Variants in PARD3B observed in about 807,000 individuals in gnomAD.
PARD3B encodes the protein partitioning defective 3 homolog B.
PARD3B carries 103 observed loss-of-function variants against 130.2 expected under a neutral mutation model. The observed-to-expected ratio is 0.79, with a 90% confidence interval of 0.67 to 0.93. The LOEUF (loss-of-function observed/expected upper bound fraction) is 0.93. Among genes scored for constraint, PARD3B ranks in the 40% least tolerant of loss-of-function variants. The pLI is 0.00. For synonymous variants in PARD3B, 583 were observed against 553.2 expected, an observed-to-expected ratio of 1.05 and a Z score of -0.76; for missense variants, 1,609 against 1,499.2, an observed-to-expected ratio of 1.07 and a Z score of -1.21.
intron 2 of PARD3B, among the ~76,000 whole-genome samples, chr2:204,754,032 G>T (rs2040568867): frequency 6.6e-6 from 1 of 152,196 alleles, no homozygotes; most frequent in Non-Finnish European, 1.5e-5. Context: ...GCTGATGCAA[G>T]TGTCTGTAAA....
rs911791738 is a variant in PARD3B, at chr2:205,446,729, T to C, written c.3044+6057T>C. ...AGGACAGAGACACGTGACTGGATTTTCACAATGCTGGTTCTTCCAGGATTT... is the reference window on the plus strand; with the variant it reads ...AGGACAGAGACACGTGACTGGATTTCCACAATGCTGGTTCTTCCAGGATTT... On this transcript the variant is annotated intron_variant, in intron 20 of 22. Transcript: ENST00000406610. The surrounding 1 kb of genome is among the most constrained non-coding windows in gnomAD (Gnocchi z 4.4). Among the ~76,000 whole-genome samples, 1 of 152,216 alleles carries C rather than the reference T, an allele frequency of 6.6e-6. No individual in the cohort carries two copies. The highest frequency in any genetic ancestry group is 1.5e-5 in the Non-Finnish European group (1 of 68,034).
intron 20 of PARD3B, among the ~76,000 whole-genome samples, chr2:205,487,060 C>T (rs2106307065): frequency 6.6e-6 from 1 of 152,220 alleles, no homozygotes; most frequent in East Asian, 1.9e-4. Context: ...GATTTAACAC[C>T]ATATGTGATC....
At chr2:204,861,706 C>T (rs1241229638) in intron 2 of PARD3B, among the ~76,000 whole-genome samples, 2 of 151,616 alleles carry the variant, frequency 1.3e-5, no homozygotes, top group Non-Finnish European at 2.9e-5. Flanking sequence ...CTTTATGATC[C>T]AGTTTTTCTC....
rs1213869303 is a variant in PARD3B, at chr2:205,265,472, T to G, written c.2185+19650T>G. Among the ~76,000 whole-genome samples, 1 of 152,002 alleles carries G rather than the reference T, an allele frequency of 6.6e-6. No individual in the cohort carries two copies. The highest frequency in any genetic ancestry group is 6.6e-5 in the Admixed American group (1 of 15,240). On this transcript the variant is annotated intron_variant, in intron 16 of 22. Transcript: ENST00000406610. This position sits in a 1 kb window ranked among gnomAD's most constrained non-coding sequence, Gnocchi z 4.3. ...TGGACATTGCTTTTCTGCCTACAAA[T>G]GGGACGATTCCTGATATGTGTAGAT...
intron 16 of PARD3B, among the ~76,000 whole-genome samples, chr2:205,250,749 T>G (rs2039808275): frequency 6.6e-6 from 1 of 151,858 alleles, no homozygotes; most frequent in Non-Finnish European, 1.5e-5. Context: ...GACAACATAG[T>G]GAAACCCCGT....
At chr2:205,385,734 A>G (rs537348210) in intron 18 of PARD3B, among the ~76,000 whole-genome samples, 3 of 152,240 alleles carry the variant, frequency 2.0e-5, no homozygotes, top group South Asian at 4.1e-4. Context: ...GGCCTAGGCT[A>G]GTAGCTACCA....
intron 1 of PARD3B, among the ~76,000 whole-genome samples, chr2:204,612,868 A>T (rs1054509199): frequency 6.6e-6 from 1 of 150,788 alleles, no homozygotes; most frequent in African/African-American, 2.4e-5. Context: ...CAGGTGATCT[A>T]TGATAAATAA....
chr2:205,525,257 T>C lies in PARD3B; in HGVS notation c.3180+25226T>C, dbSNP rs1033059068. ...AGACATGGTATGTAAAACTTCCAAA[T>C]TGGTTTCCTTACCACTCCAAGAGTG... On this transcript the variant is annotated intron_variant, in intron 21 of 22. Transcript: ENST00000406610. This position sits in a 1 kb window ranked among gnomAD's most constrained non-coding sequence, Gnocchi z 4.2. 4.6e-5 allele frequency among the ~76,000 whole-genome samples: 7 copies of C among 152,164 alleles called. No individual in the cohort carries two copies. The highest frequency in any genetic ancestry group is 1.2e-4 in the African/African-American group (5 of 41,446).
At chr2:205,215,846 C>G (rs1921781) in intron 15 of PARD3B, among the ~76,000 whole-genome samples, 76,405 of 151,296 alleles carry the variant, frequency 0.51, 19,556 homozygotes, top group Admixed American at 0.64. Flanking sequence ...AGTTAATTTT[C>G]CAGCAATAAG....
At chr2:204,866,930 A>G (rs2045443433) in intron 2 of PARD3B, among the ~76,000 whole-genome samples, 1 of 151,984 alleles carries the variant, frequency 6.6e-6, no homozygotes, top group Non-Finnish European at 1.5e-5. Flanking sequence ...TTAGCTGAGC[A>G]TGGTGGTGGG....
Position 205,460,193 on chromosome 2 carries a change from C to T in PARD3B, c.3044+19521C>T, listed in dbSNP as rs1204922672. Among the ~76,000 whole-genome samples the T allele has an allele frequency of 6.6e-6, 1 of 152,116 alleles. No individual in the cohort carries two copies. Among genetic ancestry groups the T allele is most frequent in the East Asian group, 1.9e-4 (1 of 5,194 alleles). On this transcript the variant is annotated intron_variant, in intron 20 of 22. Transcript: ENST00000406610. This position sits in a 1 kb window ranked among gnomAD's most constrained non-coding sequence, Gnocchi z 4.9. ...ATTTAAAATGTAAAGCAATAGACTT[C>T]AGTAGTAATTTTCAGATCATTTGAG... is the stretch of plus-strand genomic sequence containing the variant.
In PARD3B at chr2:205,404,129, T is replaced by TA. The variant is rs1398024975; in HGVS notation, c.2741+3007dup. Among the ~76,000 whole-genome samples, 32 of 152,370 alleles carry TA rather than the reference T, an allele frequency of 2.1e-4. 1 individual carries two copies. In the East Asian group the frequency reaches 6.0e-3, roughly 28 times the overall value. On this transcript the variant is annotated intron_variant, in intron 19 of 22. Transcript: ENST00000406610. ...TACTAATATTTTATAATCTTTTTTT[T>TA]ATGCATATACAGTTGGCTCCATATC...
intron 1 of PARD3B, among the ~76,000 whole-genome samples, chr2:204,632,125 C>T (rs570861746): frequency 2.0e-5 from 3 of 152,178 alleles, no homozygotes; most frequent in South Asian, 4.2e-4. Flanking sequence ...TTACTATCCT[C>T]GCAATCATGA....
At chr2:205,375,953 C>G (rs1250547941) in intron 18 of PARD3B, among the ~76,000 whole-genome samples, 1 of 152,148 alleles carries the variant, frequency 6.6e-6, no homozygotes, top group Non-Finnish European at 1.5e-5. Context: ...TGCTCAGCTA[C>G]AACAAATTGA....
chr2:205,499,976 C>T lies in PARD3B; in HGVS notation c.3125C>T (p.Pro1042Leu). The T allele has an allele frequency of 6.2e-7, 1 of 1,613,886 alleles. No individual in the cohort carries two copies. Among genetic ancestry groups the T allele is most frequent in the Non-Finnish European group, 8.5e-7 (1 of 1,179,810 alleles). Residue 1042 changes from proline to leucine, a missense_variant, in exon 21 of 23, where the codon CCT (proline) becomes CTT (leucine). By Grantham distance (98) the Pro-to-Leu change is moderately conservative. Coordinates refer to ENST00000406610, the MANE Select transcript of PARD3B (RefSeq NM_001302769.2). Reference sequence around the variant, plus strand: ...TATCAGGCTCGGAGGGAAGGTTTCCCTTTATATGAAGACGACGAAGGAAGA... The same window carrying T: ...TATCAGGCTCGGAGGGAAGGTTTCCTTTTATATGAAGACGACGAAGGAAGA... ...EYYQARREGF[P>L]LYEDDEGRAR...
In PARD3B at chr2:205,615,573, TC is replaced by T. The variant is rs951952707; in HGVS notation, c.3382del (p.Arg1128AlafsTer74). 6.2e-7 allele frequency: 1 copy of T among 1,614,042 alleles called. No homozygotes were observed. On this transcript the variant is annotated frameshift_variant, in exon 23 of 23. Coordinates refer to ENST00000406610, the MANE Select transcript of PARD3B (RefSeq NM_001302769.2). LOFTEE classifies it high-confidence loss of function. ...HPMHPPKGSY[P>X]RPTELRVADL... ...CTATGCACCCTCCCAAAGGGAGCTA[TC>T]CCCGCCCCACAGAGCTCAGGGTGGC...
At chr2:205,064,951 G>A (rs1575684083) in intron 4 of PARD3B, among the ~76,000 whole-genome samples, 4 of 152,278 alleles carry the variant, frequency 2.6e-5, no homozygotes, top group Admixed American at 2.6e-4. Context: ...TTGCAGAAAT[G>A]CTAATTTGAG....
intron 5 of PARD3B, among the ~76,000 whole-genome samples, chr2:205,108,420 T>G (rs2125585926): frequency 6.6e-6 from 1 of 152,220 alleles, no homozygotes; most frequent in South Asian, 2.1e-4. Flanking sequence ...AAGCTAATGG[T>G]TTAATCTGTC....
At chr2:205,177,918 C>T (rs1179217585) in intron 13 of PARD3B, among the ~76,000 whole-genome samples, 5 of 151,960 alleles carry the variant, frequency 3.3e-5, no homozygotes, top group Admixed American at 2.0e-4. Flanking sequence ...GTCTCCCTGT[C>T]CTCAGTTTGT....
Sources: gnomAD v4.1 joint callset for allele counts (sites outside exome capture counted in the v4.1 genomes callset) on GRCh38, gnomAD v4.1.1 for gene constraint, Gnocchi (gnomAD v3.1) non-coding constraint, MANE v1.5 for transcripts, NCBI Gene and HGNC (gene_info 2026-07-23, HGNC 2026-07-21) for gene names.